The following IPPK variants were observed in gnomAD, a reference collection of about 807,000 sequenced individuals.
The protein encoded by IPPK is IPK1 homolog.
Under a neutral mutation model 64.6 loss-of-function variants are expected in IPPK, and 22 were observed. That is an observed-to-expected ratio of 0.34 (90% CI 0.24 to 0.49). The LOEUF is 0.49. IPPK is among the 20% of genes least tolerant of loss of function. The pLI, the probability that IPPK is intolerant of heterozygous loss-of-function variation, is 0.99. For missense variants in IPPK, 532 were observed against 630.7 expected (o/e 0.84, Z 1.68); for synonymous variants, 262 against 247.2 (o/e 1.06, Z -0.56).
intron 10 of IPPK, among the ~76,000 whole-genome samples, chr9:92,634,904 C>A (rs911781437): frequency 2.6e-5 from 4 of 152,218 alleles, no homozygotes; most frequent in Admixed American, 6.5e-5. Context: ...GCAGGCTCAG[C>A]CCCATCTTGG....
chr9:92,652,805 T>C (rs1171496081), intron 3 of IPPK, among the ~76,000 whole-genome samples, 166 bp from the exon 4 acceptor site: 1 of 152,154 alleles, frequency 6.6e-6, no homozygotes, highest in African/African-American at 2.4e-5. Flanking sequence ...TGTGTGGATT[T>C]TGGGAATAAA....
chr9:92,616,343 T>G, intron 12 of IPPK: 1 of 340,708 alleles, frequency 2.9e-6, no homozygotes, highest in East Asian at 6.1e-5. Context: ...CACCCCACCA[T>G]ACCAGGCGAG....
intron 8 of IPPK, among the ~76,000 whole-genome samples, 187 bp from the exon 9 acceptor site, chr9:92,638,467 AACCAAGC>A (rs1034561532): frequency 4.7e-4 from 71 of 152,326 alleles, no homozygotes; most frequent in African/African-American, 1.7e-3. Context: ...CTGTGCTATC[AACCAAGC>A]ACCAAACCTC....
chr9:92,649,875 A>C (rs1032087963), intron 4 of IPPK, among the ~76,000 whole-genome samples: 3 of 151,898 alleles, frequency 2.0e-5, no homozygotes, highest in African/African-American at 7.3e-5. Flanking sequence ...AAAATACAAA[A>C]ATTAGCCAGG....
At chr9:92,644,109 G>A (rs1852103557) in intron 6 of IPPK, among the ~76,000 whole-genome samples, 1 of 152,134 alleles carries the variant, frequency 6.6e-6, no homozygotes. Flanking sequence ...AAGAAGGGGT[G>A]ATGTTGGTGA....
intron 3 of IPPK, 23 bp from the exon 4 acceptor site, chr9:92,652,662 C>A: frequency 7.0e-7 from 1 of 1,429,334 alleles, no homozygotes; most frequent in South Asian, 1.3e-5. Flanking sequence ...ACATGAAATT[C>A]TCAGTGTGAA....
At chr9:92,628,812 G>T (rs1310903449) in intron 11 of IPPK, among the ~76,000 whole-genome samples, 1 of 152,120 alleles carries the variant, frequency 6.6e-6, no homozygotes, top group Non-Finnish European at 1.5e-5. Flanking sequence ...AGGAGGCAGA[G>T]GTTGTTGCAG....
At chr9:92,647,886 G>C (rs985763345) in intron 6 of IPPK, among the ~76,000 whole-genome samples, 173 bp downstream of exon 6, 17 of 152,228 alleles carry the variant, frequency 1.1e-4, no homozygotes, top group African/African-American at 4.1e-4. Flanking sequence ...CAGAGACCCT[G>C]TCTCTAAATT....
In IPPK at chr9:92,614,137, A is replaced by ATAAC. The variant is rs1564023175; in HGVS notation, c.*1691_*1694dup. On this transcript the variant is annotated 3_prime_UTR_variant, in exon 13 of 13. Coordinates refer to ENST00000287996, the MANE Select transcript of IPPK (RefSeq NM_022755.6). The stretch of plus-strand genomic sequence containing the variant: ...CCCTGTCTGGGCCCTGTGCTAGGCA[A>ATAAC]TAACTCTTGCAGCCCTGAAGGACCT... The ATAAC allele has an allele frequency of 6.6e-6, 1 of 152,256 alleles. No homozygotes were observed. Among genetic ancestry groups the ATAAC allele is most frequent in the East Asian group, 1.9e-4 (1 of 5,194 alleles). The allele number at this position is 152,256 out of a possible 1,614,324, so 9.4% of individuals were successfully genotyped here. A position where few individuals can be genotyped will look rare whatever the true frequency, so the allele number is the denominator to read the frequency against.
At chr9:92,653,011 T>C (rs1852299230) in intron 3 of IPPK, among the ~76,000 whole-genome samples, 2 of 152,160 alleles carry the variant, frequency 1.3e-5, no homozygotes, top group African/African-American at 2.4e-5. Context: ...GAGCAGTTCT[T>C]AGACCACATG....
Position 92,661,041 on chromosome 9 carries a change from C to T in IPPK, c.82-2360G>A, listed in dbSNP as rs529675191. 5.4e-4 allele frequency among the ~76,000 whole-genome samples: 82 copies of T among 152,308 alleles called. 1 individual carries two copies. The South Asian group carries it at 0.017, about 31-fold the overall frequency. On this transcript the variant is annotated intron_variant, in intron 1 of 12. Coordinates refer to ENST00000287996, the MANE Select transcript of IPPK (RefSeq NM_022755.6). ...AATAACATCATTCTTCCTGCTAGCA[C>T]TTATTAATAATTATTATTGCAATAG...
chr9:92,634,550 T>C, intron 10 of IPPK, 62 bp from the exon 11 acceptor site: 1 of 1,170,326 alleles, frequency 8.5e-7, no homozygotes, highest in South Asian at 1.2e-5. Context: ...TTTCTTAAAC[T>C]GCTAACAGTC....
At chr9:92,663,197 G>C (rs981003391) in intron 1 of IPPK, among the ~76,000 whole-genome samples, 4 of 152,242 alleles carry the variant, frequency 2.6e-5, no homozygotes, top group Non-Finnish European at 5.9e-5. Context: ...GTGATGGACT[G>C]CATGAAACAA....
intron 1 of IPPK, among the ~76,000 whole-genome samples, chr9:92,666,870 C>T (rs958688722): frequency 1.3e-5 from 2 of 151,670 alleles, no homozygotes; most frequent in Non-Finnish European, 2.9e-5. Flanking sequence ...ACACCTAGTT[C>T]CTCCATCCCC....
rs988460557 is a variant in IPPK, at chr9:92,635,185, C to T, written c.1040G>A (p.Arg347Gln). The stretch of plus-strand genomic sequence containing the variant: ...CTCCTCGGGAAACTCTTCCAGGTAT[C>T]GCTCAACCCGGTTGTACAGAGGGTA... The part of the protein sequence containing the change: ...GLYPLYNRVE[R>Q]YLEEFPEERK... Residue 347 changes from arginine (R) to glutamine (Q), a missense_variant, in exon 10 of 13, where the codon CGA becomes CAA. Physicochemically the swap from Arg to Gln is conservative, Grantham distance 43. Transcript: ENST00000287996. The surrounding 1 kb of genome is among the most constrained non-coding windows in gnomAD (Gnocchi z 4.4). 6 of 1,613,366 alleles carry T rather than the reference C, an allele frequency of 3.7e-6. No homozygotes were observed. The highest frequency in any genetic ancestry group is 2.7e-5 in the African/African-American group (2 of 75,000).
intron 8 of IPPK, among the ~76,000 whole-genome samples, chr9:92,639,251 G>A (rs527395367): frequency 2.6e-4 from 39 of 152,124 alleles, no homozygotes; most frequent in African/African-American, 8.4e-4. Flanking sequence ...GTTTTGCTAC[G>A]TTGCCCAGGC....
rs567176761 is a variant in IPPK, at chr9:92,641,700, C to T, written c.564-918G>A. On this transcript the variant is annotated intron_variant, in intron 7 of 12. Coordinates refer to ENST00000287996, the MANE Select transcript of IPPK (RefSeq NM_022755.6). ...CAACTCCGCGTTCGATCTTTGTTCC[C>T]GGAAGTTTAAAAGAGCATCTAACCA... Among the ~76,000 whole-genome samples, 404 of 152,222 alleles carry T rather than the reference C, an allele frequency of 2.7e-3. 2 individuals are homozygous for T. The highest frequency in any genetic ancestry group is 0.021 in the South Asian group (100 of 4,814).
chr9:92,619,543 A>G lies in IPPK; in HGVS notation c.1193T>C (p.Met398Thr). 6.3e-7 allele frequency: 1 copy of G among 1,589,732 alleles called. No homozygotes were observed. Among genetic ancestry groups the G allele is most frequent in the Non-Finnish European group, 8.6e-7 (1 of 1,168,402 alleles). ...LTKVQQYRVA[M>T]TAKDCSIMIA... is the part of the protein sequence containing the mutation. The stretch of plus-strand genomic sequence containing the variant: ...CATGATGGAGCAGTCCTTGGCAGTC[A>G]TGGCGACGCGGTACTGCTGCACCTG... Residue 398 changes from methionine (M) to threonine (T), a missense_variant, in exon 12 of 13, where the codon ATG (methionine) becomes ACG (threonine). Coordinates refer to ENST00000287996, the MANE Select transcript of IPPK (RefSeq NM_022755.6).
rs1007063457 is a variant in IPPK at position 92,638,091 on chromosome 9, C to T, written c.826G>A (p.Gly276Ser). Residue 276 changes from glycine to serine, a missense_variant, in exon 9 of 13, where the codon GGC becomes AGC. Physicochemically the swap from Gly to Ser is moderately conservative, Grantham distance 56. Coordinates refer to ENST00000287996, the MANE Select transcript of IPPK (RefSeq NM_022755.6). ...TRVLLSGSDK[G>S]RAGTLSPGLG... ...CCCGGACTCAGGGTGCCTGCCCGGC[C>T]CTTGTCCGAGCCACTCAGCAGCACC... is the stretch of plus-strand genomic sequence containing the variant. 12 of 1,613,572 alleles carry T rather than the reference C, an allele frequency of 7.4e-6. No homozygotes were observed. Among genetic ancestry groups the T allele is most frequent in the African/African-American group, 1.3e-5 (1 of 74,940 alleles).
Sources: allele counts gnomAD v4.1 joint callset (sites outside exome capture counted in the v4.1 genomes callset), GRCh38; gene constraint gnomAD v4.1.1; non-coding constraint Gnocchi (gnomAD v3.1); transcripts MANE v1.5; gene names NCBI Gene and HGNC (gene_info 2026-07-23, HGNC 2026-07-21).